Variants in OR10AD1 observed in about 807,000 individuals in gnomAD.
OR10AD1 encodes the protein olfactory receptor 10AD1.
For missense variants in OR10AD1, 309 were observed against 192.7 expected (o/e 1.60, Z -3.57); for synonymous variants, 115 against 72.2 (o/e 1.59, Z -3.00).
At position 48,202,889 on chromosome 12, in the gene OR10AD1, G is replaced by A. The variant is rs200210810; in HGVS notation, c.404C>T (p.Pro135Leu). ...GACACAGACCTTCTGGCTTATGATC[G>A]GGACATAGTTAAGTGGGTAGCAGAT... is the stretch of plus-strand genomic sequence containing the variant. ...VAICYPLNYV[P>L]IISQKVCVRL... is the part of the protein sequence containing the mutation. The change falls in exon 1 of 1, where the codon CCG (proline) becomes CTG (leucine). Residue 135 changes from proline to leucine, a missense_variant. By Grantham distance (98) the Pro-to-Leu change is moderately conservative. Transcript: ENST00000310248. 2.5e-3 allele frequency: 1,968 copies of A among 780,978 alleles called. 32 individuals are homozygous for A. The South Asian group carries it at 0.026, about 10-fold the overall frequency. 48.4% of individuals were successfully genotyped at this position (780,978 alleles called of 1,614,324 possible).
At position 48,202,544 on chromosome 12, in the gene OR10AD1, A is replaced by G. The variant is rs201611340; in HGVS notation, c.749T>C (p.Ile250Thr). 1 of 781,078 alleles carries G rather than the reference A, an allele frequency of 1.3e-6. No individual in the cohort carries two copies. Among genetic ancestry groups the G allele is most frequent in the East Asian group, 2.4e-5 (1 of 41,260 alleles). 48.4% of individuals were successfully genotyped at this position (781,078 alleles called of 1,614,324 possible). A position where few individuals can be genotyped will look rare whatever the true frequency, so the allele number is the denominator to read the frequency against. ...GAACATAGCTGAAGTGTAGAGAAAG[A>G]TGACCACAGTCAGGTGAGAGGCACA... ...STCASHLTVV[I>T]FLYTSAMFSY... The change falls in exon 1 of 1, where the codon ATC (isoleucine) becomes ACC (threonine). Residue 250 changes from isoleucine (I) to threonine (T), a missense_variant. Ile to Thr is a moderately conservative substitution (Grantham distance 89). Transcript: ENST00000310248.
rs765624642 is a variant in OR10AD1, at chr12:48,202,659, T to A, written c.634A>T (p.Met212Leu). ...ADAIVVILSP[M>L]VLTVTSYVHI... ...ACATAGGAAGTGACAGTGAGCACCA[T>A]GGGGCTGAGAATTACCACGATGGCA... Residue 212 changes from methionine (M) to leucine (L), a missense_variant, in exon 1 of 1, where the codon ATG becomes TTG. Met to Leu is a conservative substitution (Grantham distance 15). Transcript: ENST00000310248. The A allele has an allele frequency of 5.1e-6, 4 of 781,046 alleles. No homozygotes were observed. The South Asian group carries it at 5.4e-5, about 10-fold the overall frequency. The allele number at this position is 781,046 out of a possible 1,614,324, so 48.4% of individuals were successfully genotyped here. A position where few individuals can be genotyped will look rare whatever the true frequency, so the allele number is the denominator to read the frequency against.
rs1331768296 is a variant in OR10AD1, at chr12:48,202,450, G to C, written c.843C>G (p.Ile281Met). The C allele has an allele frequency of 1.3e-6, 1 of 781,106 alleles. No individual in the cohort carries two copies. The highest frequency in any genetic ancestry group is 2.4e-5 in the East Asian group (1 of 41,258). The allele number at this position is 781,106 out of a possible 1,614,324, so 48.4% of individuals were successfully genotyped here. Residue 281 changes from isoleucine to methionine, a missense_variant, in exon 1 of 1, where the codon ATC (isoleucine) becomes ATG (methionine). Coordinates refer to ENST00000310248, the MANE Select transcript of OR10AD1 (RefSeq NM_001004134.1). Reference sequence around the variant, plus strand: ...TGATGGGGTTGCACATGGGGGTAATGATGGTGTACAGGAGGGAGAAAGGTT... The same window carrying C: ...TGATGGGGTTGCACATGGGGGTAATCATGGTGTACAGGAGGGAGAAAGGTT... ...KDKPFSLLYT[I>M]ITPMCNPIIY... is the part of the protein sequence containing the mutation.
Position 48,203,180 on chromosome 12 carries a change from G to C in OR10AD1, c.113C>G (p.Thr38Ser), listed in dbSNP as rs1451704471. Residue 38 changes from threonine (T) to serine (S), a missense_variant, in exon 1 of 1, where the codon ACC becomes AGC. Transcript: ENST00000310248. ...GATGATGAGGCCATTCATGGCCATG[G>C]TGAGGCTGTAGAGGGCCAAGAAGAG... ...FALFLALYSL[T>S]MAMNGLIIFI... The C allele has an allele frequency of 2.6e-6, 2 of 781,094 alleles. No homozygotes were observed. The highest frequency in any genetic ancestry group is 2.4e-5 in the East Asian group (1 of 41,254). 48.4% of individuals were successfully genotyped at this position (781,094 alleles called of 1,614,324 possible). A position where few individuals can be genotyped will look rare whatever the true frequency, so the allele number is the denominator to read the frequency against.
chr12:48,202,625 A>G lies in OR10AD1; in HGVS notation c.668T>C (p.Leu223Pro). 1 of 781,074 alleles carries G rather than the reference A, an allele frequency of 1.3e-6. No homozygotes were observed. The highest frequency in any genetic ancestry group is 2.4e-6 in the Non-Finnish European group (1 of 418,120). 48.4% of individuals were successfully genotyped at this position (781,074 alleles called of 1,614,324 possible). A position where few individuals can be genotyped will look rare whatever the true frequency, so the allele number is the denominator to read the frequency against. Reference protein sequence around the residue: ...VLTVTSYVHILATILSKASSS... With the variant: ...VLTVTSYVHIPATILSKASSS... ...GGAGGCTTTGCTGAGGATGGTGGCC[A>G]GGATGTGCACATAGGAAGTGACAGT... is the stretch of plus-strand genomic sequence containing the variant. The change falls in exon 1 of 1, where the codon CTG becomes CCG. Residue 223 changes from leucine to proline, a missense_variant. Physicochemically the swap from Leu to Pro is moderately conservative, Grantham distance 98 (BLOSUM62 -3). Coordinates refer to ENST00000310248, the MANE Select transcript of OR10AD1 (RefSeq NM_001004134.1).
chr12:48,202,744 G>GTA lies in OR10AD1; in HGVS notation c.548_549insTA (p.Ile184ThrfsTer2), dbSNP rs1951602878. ...CCCCACAAGAGAGGCCAATCACTAT[G>GTA]GGGGCCTCACAGAAGAAGCTTTCTA... On this transcript the variant is annotated frameshift_variant, in exon 1 of 1. Transcript: ENST00000310248. LOFTEE classifies it low-confidence loss of function (END_TRUNC). The GTA allele has an allele frequency of 1.3e-6, 1 of 780,866 alleles. No individual in the cohort carries two copies. Among genetic ancestry groups the GTA allele is most frequent in the African/African-American group, 1.7e-5 (1 of 59,114 alleles). 48.4% of individuals were successfully genotyped at this position (780,866 alleles called of 1,614,324 possible).
chr12:48,202,796 C>A lies in OR10AD1; in HGVS notation c.497G>T (p.Arg166Leu), dbSNP rs17224674. 2.6e-6 allele frequency: 2 copies of A among 780,692 alleles called. No individual in the cohort carries two copies. Among genetic ancestry groups the A allele is most frequent in the Non-Finnish European group, 4.8e-6 (2 of 417,956 alleles). The allele number at this position is 780,692 out of a possible 1,614,324, so 48.4% of individuals were successfully genotyped here. A position where few individuals can be genotyped will look rare whatever the true frequency, so the allele number is the denominator to read the frequency against. The change falls in exon 1 of 1, where the codon CGA becomes CTA. Residue 166 changes from arginine to leucine, a missense_variant. Transcript: ENST00000310248. The part of the protein sequence containing the change: ...NGIFLEYISF[R>L]EPFRRDNHIE... ...GTGGTTGTCTCTGCGGAAGGGCTCT[C>A]GGAATGAAATATACTCGAGAAAGAT... is the stretch of plus-strand genomic sequence containing the variant.
Position 48,202,459 on chromosome 12 carries a change from C to A in OR10AD1, c.834G>T (p.Leu278=), listed in dbSNP as rs1030463629. The part of the protein sequence containing the change: ...GPDKDKPFSL[L]YTIITPMCNP... Reference sequence around the variant, plus strand: ...TGCACATGGGGGTAATGATGGTGTACAGGAGGGAGAAAGGTTTGTCTTTGT... The same window carrying A: ...TGCACATGGGGGTAATGATGGTGTAAAGGAGGGAGAAAGGTTTGTCTTTGT... Residue 278 remains leucine (L), a synonymous_variant, in exon 1 of 1, where the codon CTG becomes CTT. Transcript: ENST00000310248. The A allele has an allele frequency of 6.4e-6, 5 of 780,848 alleles. No individual in the cohort carries two copies. The African/African-American group carries it at 8.5e-5, about 13-fold the overall frequency. 48.4% of individuals were successfully genotyped at this position (780,848 alleles called of 1,614,324 possible). A position where few individuals can be genotyped will look rare whatever the true frequency, so the allele number is the denominator to read the frequency against.
rs1156717968 is a variant in OR10AD1 at position 48,202,866 on chromosome 12, C to A, written c.427G>T (p.Val143Phe). Reference sequence around the variant, plus strand: ...AACCAGGCAGTTCCCACAAGCCTGACACAGACCTTCTGGCTTATGATCGGG... The same window carrying A: ...AACCAGGCAGTTCCCACAAGCCTGAAACAGACCTTCTGGCTTATGATCGGG... ...YVPIISQKVC[V>F]RLVGTAWFFG... The change falls in exon 1 of 1, where the codon GTC becomes TTC. Residue 143 changes from valine to phenylalanine, a missense_variant. Coordinates refer to ENST00000310248, the MANE Select transcript of OR10AD1 (RefSeq NM_001004134.1). 1 of 781,030 alleles carries A rather than the reference C, an allele frequency of 1.3e-6. No individual in the cohort carries two copies. The highest frequency in any genetic ancestry group is 1.3e-5 in the South Asian group (1 of 74,610). 48.4% of individuals were successfully genotyped at this position (781,030 alleles called of 1,614,324 possible). A position where few individuals can be genotyped will look rare whatever the true frequency, so the allele number is the denominator to read the frequency against.
rs763501174 is a variant in OR10AD1, at chr12:48,203,218, T to C, written c.75A>G (p.Ala25=). ...GGGCCAAGAAGAGGGCAAAGAGCAA[T>C]GCTCGTGTGGAAGTGGAGCTCTGCT... is the stretch of plus-strand genomic sequence containing the variant. ...GFQQSSTSTR[A]LLFALFLALY... is the part of the protein sequence containing the mutation. Residue 25 remains alanine, a synonymous_variant, in exon 1 of 1, where the codon GCA becomes GCG. Coordinates refer to ENST00000310248, the MANE Select transcript of OR10AD1 (RefSeq NM_001004134.1). 6.8e-5 allele frequency: 53 copies of C among 780,924 alleles called. No homozygotes were observed. Among genetic ancestry groups the C allele is most frequent in the Non-Finnish European group, 1.1e-4 (48 of 418,140 alleles). The allele number at this position is 780,924 out of a possible 1,614,324, so 48.4% of individuals were successfully genotyped here.
rs779603616 is a variant in OR10AD1 at position 48,203,022 on chromosome 12, G to A, written c.271C>T (p.His91Tyr). 39 of 780,934 alleles carry A rather than the reference G, an allele frequency of 5.0e-5. No individual in the cohort carries two copies. The highest frequency in any genetic ancestry group is 1.2e-4 in the Admixed American group (7 of 59,006). The allele number at this position is 780,934 out of a possible 1,614,324, so 48.4% of individuals were successfully genotyped here. A position where few individuals can be genotyped will look rare whatever the true frequency, so the allele number is the denominator to read the frequency against. Residue 91 changes from histidine (H) to tyrosine (Y), a missense_variant, in exon 1 of 1, where the codon CAC (histidine) becomes TAC (tyrosine). Physicochemically the swap from His to Tyr is moderately conservative, Grantham distance 83. Transcript: ENST00000310248. ...QMLIHLVVRD[H>Y]IVSFVCCMTQ... ...ATGCAACATACAAAGGAGACAATGTGGTCCCTGACCACGAGGTGGATCAAC... is the reference window on the plus strand; with the variant it reads ...ATGCAACATACAAAGGAGACAATGTAGTCCCTGACCACGAGGTGGATCAAC...
Position 48,202,493 on chromosome 12 carries a change from T to C in OR10AD1, c.800A>G (p.His267Arg). Residue 267 changes from histidine (H) to arginine (R), a missense_variant, in exon 1 of 1, where the codon CAT becomes CGT. Coordinates refer to ENST00000310248, the MANE Select transcript of OR10AD1 (RefSeq NM_001004134.1). ...MFSYMNPHST[H>R]GPDKDKPFSL... ...GAAAGGTTTGTCTTTGTCAGGCCCA[T>C]GTGTGCTGTGGGGGTTCATGTAAGA... 2 of 781,046 alleles carry C rather than the reference T, an allele frequency of 2.6e-6. No individual in the cohort carries two copies. The highest frequency in any genetic ancestry group is 4.8e-6 in the Non-Finnish European group (2 of 418,114). 48.4% of individuals were successfully genotyped at this position (781,046 alleles called of 1,614,324 possible).
Position 48,203,014 on chromosome 12 carries a change from G to A in OR10AD1, c.279C>T (p.Val93=). 1 of 781,082 alleles carries A rather than the reference G, an allele frequency of 1.3e-6. No homozygotes were observed. The highest frequency in any genetic ancestry group is 2.4e-5 in the East Asian group (1 of 41,262). 48.4% of individuals were successfully genotyped at this position (781,082 alleles called of 1,614,324 possible). The change falls in exon 1 of 1, where the codon GTC becomes GTT. Residue 93 remains valine, a synonymous_variant. Transcript: ENST00000310248. ...LIHLVVRDHI[V]SFVCCMTQMY... is the part of the protein sequence containing the mutation. Reference sequence around the variant, plus strand: ...TCTGGGTCATGCAACATACAAAGGAGACAATGTGGTCCCTGACCACGAGGT... The same window carrying A: ...TCTGGGTCATGCAACATACAAAGGAAACAATGTGGTCCCTGACCACGAGGT...
At position 48,202,835 on chromosome 12, in the gene OR10AD1, C is replaced by G. The variant is rs1276542998; in HGVS notation, c.458G>C (p.Gly153Ala). ...CTCGAGAAAGATGCCATTGATCAGC[C>G]CAAAGAACCAGGCAGTTCCCACAAG... ...VRLVGTAWFF[G>A]LINGIFLEYI... The change falls in exon 1 of 1, where the codon GGG becomes GCG. Residue 153 changes from glycine (G) to alanine (A), a missense_variant. Physicochemically the swap from Gly to Ala is moderately conservative, Grantham distance 60 (BLOSUM62 0). Transcript: ENST00000310248. 1 of 780,848 alleles carries G rather than the reference C, an allele frequency of 1.3e-6. No individual in the cohort carries two copies. Among genetic ancestry groups the G allele is most frequent in the Admixed American group, 1.7e-5 (1 of 58,988 alleles). The allele number at this position is 780,848 out of a possible 1,614,324, so 48.4% of individuals were successfully genotyped here.
rs757150344 is a variant in OR10AD1 at position 48,203,267 on chromosome 12, G to T, written c.26C>A (p.Thr9Lys). 9.0e-6 allele frequency: 7 copies of T among 780,726 alleles called. No individual in the cohort carries two copies. Among genetic ancestry groups the T allele is most frequent in the Admixed American group, 1.7e-5 (1 of 59,034 alleles). The allele number at this position is 780,726 out of a possible 1,614,324, so 48.4% of individuals were successfully genotyped here. A position where few individuals can be genotyped will look rare whatever the true frequency, so the allele number is the denominator to read the frequency against. MLRNGSIV[T>K]EFILVGFQQS... ...CTGAAAGCCCACGAGGATAAATTCCGTCACTATGCTGCCATTCCTTAGCAT... is the reference window on the plus strand; with the variant it reads ...CTGAAAGCCCACGAGGATAAATTCCTTCACTATGCTGCCATTCCTTAGCAT... The change falls in exon 1 of 1, where the codon ACG becomes AAG. Residue 9 changes from threonine to lysine, a missense_variant. Transcript: ENST00000310248.
rs769702513 is a variant in OR10AD1, at chr12:48,203,269, C to T, written c.24G>A (p.Val8=). The T allele has an allele frequency of 2.6e-6, 2 of 780,566 alleles. No individual in the cohort carries two copies. Among genetic ancestry groups the T allele is most frequent in the Non-Finnish European group, 4.8e-6 (2 of 418,022 alleles). 48.4% of individuals were successfully genotyped at this position (780,566 alleles called of 1,614,324 possible). Reference sequence around the variant, plus strand: ...GAAAGCCCACGAGGATAAATTCCGTCACTATGCTGCCATTCCTTAGCATCT... The same window carrying T: ...GAAAGCCCACGAGGATAAATTCCGTTACTATGCTGCCATTCCTTAGCATCT... The part of the protein sequence containing the change: MLRNGSI[V]TEFILVGFQQ... The change falls in exon 1 of 1, where the codon GTG becomes GTA. Residue 8 remains valine, a synonymous_variant. Transcript: ENST00000310248.
In OR10AD1 at chr12:48,202,431, G is replaced by C. The variant is rs752274492; in HGVS notation, c.862C>G (p.Pro288Ala). The change falls in exon 1 of 1, where the codon CCC becomes GCC. Residue 288 changes from proline (P) to alanine (A), a missense_variant. Pro to Ala is a conservative substitution (Grantham distance 27). Transcript: ENST00000310248. ...LYTIITPMCN[P>A]IIYSFRNKEI... ...TTGTTGCGGAAACTATAAATGATGG[G>C]GTTGCACATGGGGGTAATGATGGTG... 5.1e-6 allele frequency: 4 copies of C among 780,956 alleles called. No individual in the cohort carries two copies. Among genetic ancestry groups the C allele is most frequent in the Non-Finnish European group, 9.6e-6 (4 of 418,148 alleles). 48.4% of individuals were successfully genotyped at this position (780,956 alleles called of 1,614,324 possible).
Position 48,203,254 on chromosome 12 carries a change from G to A in OR10AD1, c.39C>T (p.Leu13=), listed in dbSNP as rs1438309226. Residue 13 remains leucine, a synonymous_variant, in exon 1 of 1, where the codon CTC becomes CTT. Coordinates refer to ENST00000310248, the MANE Select transcript of OR10AD1 (RefSeq NM_001004134.1). The part of the protein sequence containing the change: ...RNGSIVTEFI[L]VGFQQSSTST... ...AAGTGGAGCTCTGCTGAAAGCCCACGAGGATAAATTCCGTCACTATGCTGC... is the reference window on the plus strand; with the variant it reads ...AAGTGGAGCTCTGCTGAAAGCCCACAAGGATAAATTCCGTCACTATGCTGC... 8 of 780,914 alleles carry A rather than the reference G, an allele frequency of 1.0e-5. No individual in the cohort carries two copies. The East Asian group carries it at 1.5e-4, about 14-fold the overall frequency. The allele number at this position is 780,914 out of a possible 1,614,324, so 48.4% of individuals were successfully genotyped here.
At position 48,202,619 on chromosome 12, in the gene OR10AD1, G is replaced by A. The variant is rs1184008067; in HGVS notation, c.674C>T (p.Thr225Ile). ...TGAGGAGGAGGCTTTGCTGAGGATG[G>A]TGGCCAGGATGTGCACATAGGAAGT... Reference protein sequence around the residue: ...TVTSYVHILATILSKASSSGR... With the variant: ...TVTSYVHILAIILSKASSSGR... Residue 225 changes from threonine to isoleucine, a missense_variant, in exon 1 of 1, where the codon ACC (threonine) becomes ATC (isoleucine). Coordinates refer to ENST00000310248, the MANE Select transcript of OR10AD1 (RefSeq NM_001004134.1). 1.3e-6 allele frequency: 1 copy of A among 781,074 alleles called. No individual in the cohort carries two copies. Among genetic ancestry groups the A allele is most frequent in the Non-Finnish European group, 2.4e-6 (1 of 418,132 alleles). The allele number at this position is 781,074 out of a possible 1,614,324, so 48.4% of individuals were successfully genotyped here. A position where few individuals can be genotyped will look rare whatever the true frequency, so the allele number is the denominator to read the frequency against.
Sources: allele counts gnomAD v4.1 joint callset, GRCh38; gene constraint gnomAD v4.1.1; transcripts MANE v1.5; gene names NCBI Gene and HGNC (gene_info 2026-07-23, HGNC 2026-07-21).